Variants in TOMM40L observed in about 807,000 individuals in gnomAD.
The protein encoded by TOMM40L is translocase of outer mitochondrial membrane 40 like.
A neutral mutation model predicts 38.3 loss-of-function variants in TOMM40L; 17 were observed. The observed-to-expected ratio is 0.44, with a 90% CI of 0.30 to 0.67. TOMM40L has a LOEUF of 0.67. TOMM40L is among the 30% of genes least tolerant of loss of function. The pLI, the probability that TOMM40L is intolerant of heterozygous loss-of-function variation, is 0.08. For synonymous variants in TOMM40L, 151 were observed against 150.2 expected (o/e 1.01, Z -0.04); for missense variants, 294 against 390.0 (o/e 0.75, Z 2.07).
rs1275208900 is a variant in TOMM40L at position 161,230,572 on chromosome 1, T to A, written c.*1477T>A. 5.1e-6 allele frequency: 3 copies of A among 590,784 alleles called. 1 individual carries two copies. The South Asian group carries it at 6.4e-5, about 13-fold the overall frequency. The allele number at this position is 590,784 out of a possible 1,614,324, so 36.6% of individuals were successfully genotyped here. A position where few individuals can be genotyped will look rare whatever the true frequency, so the allele number is the denominator to read the frequency against. ...ACCCAGAGCCTCTGAGCTACTACTT[T>A]GCATCTGTACTGAATAAAAAAAAAA... On this transcript the variant is annotated 3_prime_UTR_variant, in exon 10 of 10. Transcript: ENST00000367988.
Position 161,227,750 on chromosome 1 carries a change from C to T in TOMM40L, c.378+13C>T. ...GGCTGTCTTCCAGGTGACCACAGTT[C>T]CTGCCTCCATCCCCTGAGGCACTTC... is the stretch of plus-strand genomic sequence containing the variant. On this transcript the variant is annotated intron_variant, in intron 5 of 9. Coordinates refer to ENST00000367988, the MANE Select transcript of TOMM40L (RefSeq NM_032174.6). 6.2e-7 allele frequency: 1 copy of T among 1,612,504 alleles called. No individual in the cohort carries two copies. Among genetic ancestry groups the T allele is most frequent in the South Asian group, 1.1e-5 (1 of 91,008 alleles).
rs1666618094 is a variant in TOMM40L at position 161,229,363 on chromosome 1, AGG to A, written c.*271_*272del. The stretch of plus-strand genomic sequence containing the variant: ...GCTGTGGACTAAGGGAGAAGGATTA[AGG>A]GGTATGGCTGAATTCCCCCGGCACC... On this transcript the variant is annotated 3_prime_UTR_variant, in exon 10 of 10. Transcript: ENST00000367988. 1.6e-6 allele frequency: 1 copy of A among 618,096 alleles called. No homozygotes were observed. Among genetic ancestry groups the A allele is most frequent in the African/African-American group, 1.8e-5 (1 of 54,204 alleles). The allele number at this position is 618,096 out of a possible 1,614,324, so 38.3% of individuals were successfully genotyped here.
At chr1:161,228,545 G>A in intron 8 of TOMM40L, 41 bp downstream of exon 8, 1 of 1,608,342 alleles carries the variant, frequency 6.2e-7, no homozygotes, top group East Asian at 2.2e-5. Context: ...CAGCAAGTCA[G>A]TCATGAACTT....
In TOMM40L at chr1:161,230,167, CGAG is replaced by C; in HGVS notation, c.*1073_*1075del. The C allele has an allele frequency of 2.0e-6, 1 of 498,274 alleles. No individual in the cohort carries two copies. 30.9% of individuals were successfully genotyped at this position (498,274 alleles called of 1,614,324 possible). On this transcript the variant is annotated 3_prime_UTR_variant, in exon 10 of 10. Transcript: ENST00000367988. ...TTTCTGAACCCAGAGCTCTGAGAGC[CGAG>C]TGTGAAGAAAGCTCCAGACTTGGCC...
rs1029863869 is a variant in TOMM40L at position 161,229,414 on chromosome 1, C to T, written c.*319C>T. ...CCCCTTGCCCTCAGGCTTCCTTCTT[C>T]CTTTCCCTTTGGTTAATCCTGCATG... On this transcript the variant is annotated 3_prime_UTR_variant, in exon 10 of 10. Transcript: ENST00000367988. The T allele has an allele frequency of 3.2e-6, 2 of 622,864 alleles. No individual in the cohort carries two copies. Among genetic ancestry groups the T allele is most frequent in the Non-Finnish European group, 5.5e-6 (2 of 361,440 alleles). 38.6% of individuals were successfully genotyped at this position (622,864 alleles called of 1,614,324 possible). A position where few individuals can be genotyped will look rare whatever the true frequency, so the allele number is the denominator to read the frequency against.
At chr1:161,228,675 T>C in intron 8 of TOMM40L, 40 bp from the exon 9 acceptor site, 1 of 1,610,510 alleles carries the variant, frequency 6.2e-7, no homozygotes, top group African/African-American at 1.3e-5. Flanking sequence ...TGGTCTTCAC[T>C]GATACTGATC....
chr1:161,227,464 G>A (rs1203160204), intron 4 of TOMM40L, 114 bp downstream of exon 4: 17 of 1,128,532 alleles, frequency 1.5e-5, no homozygotes, highest in Non-Finnish European at 2.1e-5. Context: ...CTGATTCTCT[G>A]TGTCTTTTCT....
chr1:161,227,695 G>A lies in TOMM40L; in HGVS notation c.336G>A (p.Leu112=), dbSNP rs1191636583. The A allele has an allele frequency of 6.2e-7, 1 of 1,613,464 alleles. No homozygotes were observed. The highest frequency in any genetic ancestry group is 8.5e-7 in the Non-Finnish European group (1 of 1,180,026). The change falls in exon 5 of 10, where the codon TTG becomes TTA. Residue 112 remains leucine (L), a synonymous_variant. Coordinates refer to ENST00000367988, the MANE Select transcript of TOMM40L (RefSeq NM_032174.6). Reference sequence around the variant, plus strand: ...GTGGCAGCCTGAACGCCCAGGTCTTGCTCCTCTTGGCAGAGCGGCTCCGAG... The same window carrying A: ...GTGGCAGCCTGAACGCCCAGGTCTTACTCCTCTTGGCAGAGCGGCTCCGAG... The part of the protein sequence containing the change: ...DSSGSLNAQV[L]LLLAERLRAK...
In TOMM40L at chr1:161,229,010, C is replaced by G. The variant is rs756559614; in HGVS notation, c.842C>G (p.Pro281Arg). The change falls in exon 10 of 10, where the codon CCT becomes CGT. Residue 281 changes from proline to arginine, a missense_variant. Physicochemically the swap from Pro to Arg is moderately radical, Grantham distance 103 (BLOSUM62 -2). Coordinates refer to ENST00000367988, the MANE Select transcript of TOMM40L (RefSeq NM_032174.6). ...VGAVLEKKMP[P>R]LPVTLALGAF... ...GCTGTGCTGGAGAAGAAGATGCCCCCTCTGCCTGTCACCCTAGCCCTTGGA... is the reference window on the plus strand; with the variant it reads ...GCTGTGCTGGAGAAGAAGATGCCCCGTCTGCCTGTCACCCTAGCCCTTGGA... The G allele has an allele frequency of 1.2e-6, 2 of 1,614,206 alleles. No homozygotes were observed. The highest frequency in any genetic ancestry group is 1.7e-6 in the Non-Finnish European group (2 of 1,180,034).
At position 161,226,438 on chromosome 1, in the gene TOMM40L, A is replaced by T; in HGVS notation, c.-52A>T. 6.5e-7 allele frequency: 1 copy of T among 1,534,644 alleles called. No individual in the cohort carries two copies. The highest frequency in any genetic ancestry group is 8.9e-7 in the Non-Finnish European group (1 of 1,122,102). Reference sequence around the variant, plus strand: ...GGGCCCGTTGGGGGGTAAAGGGGCAATAGCGTCCTTTCACAGGCTAACCTC... The same window carrying T: ...GGGCCCGTTGGGGGGTAAAGGGGCATTAGCGTCCTTTCACAGGCTAACCTC... On this transcript the variant is annotated 5_prime_UTR_variant, in exon 2 of 10. Transcript: ENST00000367988.
chr1:161,229,070 G>T lies in TOMM40L; in HGVS notation c.902G>T (p.Cys301Phe). Residue 301 changes from cysteine (C) to phenylalanine (F), a missense_variant, in exon 10 of 10, where the codon TGT becomes TTT. Physicochemically the swap from Cys to Phe is radical, Grantham distance 205 (BLOSUM62 -2). Coordinates refer to ENST00000367988, the MANE Select transcript of TOMM40L (RefSeq NM_032174.6). ...AATCACTGGCGCAACAGATTCCATT[G>T]TGGCTTCAGCATCACTGTGGGCTGA... ...FLNHWRNRFH[C>F]GFSITVG is the part of the protein sequence containing the mutation. 6.2e-7 allele frequency: 1 copy of T among 1,614,144 alleles called. No individual in the cohort carries two copies. The highest frequency in any genetic ancestry group is 2.2e-5 in the East Asian group (1 of 44,886).
intron 1 of TOMM40L, 108 bp downstream of exon 1, chr1:161,226,244 G>C: frequency 2.1e-6 from 1 of 483,018 alleles, no homozygotes; most frequent in Non-Finnish European, 3.8e-6. Flanking sequence ...ATCAGAGAAA[G>C]GGAGAGAGGA....
rs981786446 is a variant in TOMM40L, at chr1:161,229,685, T to C, written c.*590T>C. 5.6e-6 allele frequency: 9 copies of C among 1,613,948 alleles called. No individual in the cohort carries two copies. In the African/African-American group the frequency reaches 1.2e-4, roughly 22 times the overall value. ...AGGCAGTTATTGCTTTAGTCTTTCA[T>C]TGCAACCACTGGGCTCCCTTTGAAC... On this transcript the variant is annotated 3_prime_UTR_variant, in exon 10 of 10. Coordinates refer to ENST00000367988, the MANE Select transcript of TOMM40L (RefSeq NM_032174.6).
At chr1:161,226,986 A>G in intron 3 of TOMM40L, 31 bp downstream of exon 3, 2 of 1,612,710 alleles carry the variant, frequency 1.2e-6, no homozygotes, top group Non-Finnish European at 1.7e-6. Flanking sequence ...CCTCCTTACT[A>G]TTCCCCCTTT....
rs533204880 is a variant in TOMM40L, at chr1:161,226,881, C to A, written c.116-7C>A. 2.5e-6 allele frequency: 4 copies of A among 1,614,068 alleles called. No individual in the cohort carries two copies. The highest frequency in any genetic ancestry group is 3.4e-6 in the Non-Finnish European group (4 of 1,179,960). On this transcript the variant is annotated splice_region_variant and splice_polypyrimidine_tract_variant and intron_variant, in intron 2 of 9. Transcript: ENST00000367988. ...GCTTATTCCTTCCCTTCCCCTACCC[C>A]CTTCAGATGTATTCCCAGCACAGAT...
intron 8 of TOMM40L, 40 bp downstream of exon 8, chr1:161,228,544 A>T (rs1235701130): frequency 1.2e-6 from 2 of 1,609,070 alleles, no homozygotes; most frequent in Admixed American, 3.3e-5. Flanking sequence ...TCAGCAAGTC[A>T]GTCATGAACT....
rs1666588668 is a variant in TOMM40L at position 161,228,964 on chromosome 1, G to T, written c.796G>T (p.Asp266Tyr). The change falls in exon 10 of 10, where the codon GAT (aspartate) becomes TAT (tyrosine). Residue 266 changes from aspartate to tyrosine, a missense_variant. Transcript: ENST00000367988. ...QANMVFRGLV[D>Y]SNWCVGAVLE... is the part of the protein sequence containing the mutation. ...ATTCTCTCCCCCAACAGGCTTGGTG[G>T]ATAGTAACTGGTGTGTAGGTGCTGT... The T allele has an allele frequency of 6.2e-7, 1 of 1,614,076 alleles. No individual in the cohort carries two copies. The highest frequency in any genetic ancestry group is 1.3e-5 in the African/African-American group (1 of 74,918).
chr1:161,227,033 C>T (rs1328321364), intron 3 of TOMM40L, 78 bp downstream of exon 3: 17 of 1,537,908 alleles, frequency 1.1e-5, no homozygotes, highest in Non-Finnish European at 1.5e-5. Flanking sequence ...CCTTTGTACT[C>T]CAGCCCTAGC....
chr1:161,229,692 C>T lies in TOMM40L; in HGVS notation c.*597C>T. On this transcript the variant is annotated 3_prime_UTR_variant, in exon 10 of 10. Transcript: ENST00000367988. ...TATTGCTTTAGTCTTTCATTGCAAC[C>T]ACTGGGCTCCCTTTGAACCCGGCCC... 1 of 1,614,094 alleles carries T rather than the reference C, an allele frequency of 6.2e-7. No homozygotes were observed. Among genetic ancestry groups the T allele is most frequent in the Non-Finnish European group, 8.5e-7 (1 of 1,179,976 alleles).
Sources: gnomAD v4.1 joint callset for allele counts on GRCh38, gnomAD v4.1.1 for gene constraint, MANE v1.5 for transcripts, NCBI Gene and HGNC (gene_info 2026-07-23, HGNC 2026-07-21) for gene names.